Variants in CAMKMT observed in about 807,000 individuals in gnomAD.
CAMKMT encodes CaM KMT.
CAMKMT carries 53 observed loss-of-function variants against 48.0 expected under a neutral mutation model. The ratio of observed to expected loss-of-function variants is 1.10; its 90% CI spans 0.89 to 1.39. The LOEUF is 1.39. Among genes scored for constraint, CAMKMT ranks in the 40% most tolerant of loss-of-function variants. The pLI, the probability that CAMKMT is intolerant of heterozygous loss-of-function variation, is 0.00. For synonymous variants in CAMKMT, 165 were observed against 152.3 expected, an observed-to-expected ratio of 1.08 and a Z score of -0.61; for missense variants, 428 against 402.7, an observed-to-expected ratio of 1.06 and a Z score of -0.54.
chr2:44,458,521 C>G (rs1034037767), intron 3 of CAMKMT, among the ~76,000 whole-genome samples: 2 of 152,176 alleles, frequency 1.3e-5, no homozygotes, highest in African/African-American at 4.8e-5. Context: ...GCCATTCTGC[C>G]AGTACATTTA....
At chr2:44,498,151 CTTTA>C (rs1249569186) in intron 3 of CAMKMT, among the ~76,000 whole-genome samples, 1 of 151,948 alleles carries the variant, frequency 6.6e-6, no homozygotes, top group East Asian at 1.9e-4. Context: ...ATCATAGCAC[CTTTA>C]TTTATTTATT....
At chr2:44,560,277 T>G (rs1429901240) in intron 3 of CAMKMT, among the ~76,000 whole-genome samples, 1 of 152,172 alleles carries the variant, frequency 6.6e-6, no homozygotes, top group Non-Finnish European at 1.5e-5. Flanking sequence ...ACATACTTGT[T>G]TTTTAAAATT....
chr2:44,756,691 G>A (rs978090305), intron 9 of CAMKMT, among the ~76,000 whole-genome samples: 46 of 150,174 alleles, frequency 3.1e-4, no homozygotes, highest in Non-Finnish European at 4.7e-4. Context: ...GCAGTGAGCC[G>A]AGATCACGTC....
intron 3 of CAMKMT, among the ~76,000 whole-genome samples, chr2:44,457,834 A>G (rs1572554318): frequency 6.6e-6 from 1 of 152,192 alleles, no homozygotes; most frequent in East Asian, 1.9e-4. Context: ...CAGAAATTCC[A>G]GATGTTACAA....
intron 3 of CAMKMT, among the ~76,000 whole-genome samples, chr2:44,497,658 T>C (rs1669812195): frequency 6.6e-6 from 1 of 151,806 alleles, no homozygotes; most frequent in Non-Finnish European, 1.5e-5. Flanking sequence ...TATTTGATTT[T>C]ATTTTGAGGA....
At chr2:44,547,581 G>A (rs1025297151) in intron 3 of CAMKMT, among the ~76,000 whole-genome samples, 1 of 151,994 alleles carries the variant, frequency 6.6e-6, no homozygotes, top group Admixed American at 6.5e-5. Context: ...AACTTAAAAG[G>A]CAGTGAAAAA....
At chr2:44,364,816 C>G (rs941019428) in intron 1 of CAMKMT, among the ~76,000 whole-genome samples, 1 of 152,162 alleles carries the variant, frequency 6.6e-6, no homozygotes, top group Non-Finnish European at 1.5e-5. Context: ...TGTCTCTAAT[C>G]TTTGGACTAG....
At chr2:44,721,410 A>G (rs1288426060) in intron 7 of CAMKMT, among the ~76,000 whole-genome samples, 1 of 152,204 alleles carries the variant, frequency 6.6e-6, no homozygotes, top group Non-Finnish European at 1.5e-5. Flanking sequence ...ATGACAAATC[A>G]TATCAAAAGG....
intron 7 of CAMKMT, among the ~76,000 whole-genome samples, chr2:44,736,864 A>G (rs1679384349): frequency 6.6e-6 from 1 of 152,262 alleles, no homozygotes; most frequent in African/African-American, 2.4e-5. Flanking sequence ...TTTAAAAGGT[A>G]TCTCCCATGT....
chr2:44,650,480 G>A (rs1437859160), intron 3 of CAMKMT, among the ~76,000 whole-genome samples: 1 of 152,168 alleles, frequency 6.6e-6, no homozygotes, highest in African/African-American at 2.4e-5. Flanking sequence ...ATTGCTTTGT[G>A]CTTAGTATAT....
chr2:44,756,721 G>A (rs555740595), intron 9 of CAMKMT, among the ~76,000 whole-genome samples: 9 of 146,364 alleles, frequency 6.1e-5, no homozygotes, highest in South Asian at 4.3e-4. Flanking sequence ...TGGCCTGGGC[G>A]ACAGAGCAAG....
intron 3 of CAMKMT, among the ~76,000 whole-genome samples, chr2:44,463,800 A>G (rs1316429948): frequency 6.6e-6 from 1 of 152,178 alleles, no homozygotes; most frequent in Non-Finnish European, 1.5e-5. Context: ...CTCCCCATAA[A>G]AGGATTGAGA....
chr2:44,368,710 C>T lies in CAMKMT; in HGVS notation c.139-4006C>T, dbSNP rs114517576. 3.9e-3 allele frequency among the ~76,000 whole-genome samples: 594 copies of T among 152,232 alleles called. 3 individuals carry two copies. The highest frequency in any genetic ancestry group is 0.014 in the African/African-American group (563 of 41,542). ...AATTTAGACTATTAAAAGGTATTTACTGTTTGGAGTTTAATTGGGCAAGAT... is the reference window on the plus strand; with the variant it reads ...AATTTAGACTATTAAAAGGTATTTATTGTTTGGAGTTTAATTGGGCAAGAT... On this transcript the variant is annotated intron_variant, in intron 1 of 10. Transcript: ENST00000378494.
intron 2 of CAMKMT, among the ~76,000 whole-genome samples, chr2:44,384,500 C>CT (rs141017634): frequency 0.049 from 4,672 of 95,816 alleles, 142 homozygotes; most frequent in South Asian, 0.11. Context: ...AGCTATTTAT[C>CT]TTTTTTTTTT....
At chr2:44,469,590 A>T (rs189990206) in intron 3 of CAMKMT, among the ~76,000 whole-genome samples, 1 of 151,720 alleles carries the variant, frequency 6.6e-6, no homozygotes, top group Non-Finnish European at 1.5e-5. Flanking sequence ...ACTTTATCTC[A>T]TGTTTATAAT....
chr2:44,385,563 G>A (rs1680710762), intron 2 of CAMKMT, among the ~76,000 whole-genome samples: 1 of 152,106 alleles, frequency 6.6e-6, no homozygotes, highest in South Asian at 2.1e-4. Flanking sequence ...GTTCTCAGAG[G>A]GACTGCTTTC....
intron 3 of CAMKMT, among the ~76,000 whole-genome samples, chr2:44,424,998 C>A (rs1164917424): frequency 1.3e-5 from 2 of 151,942 alleles, no homozygotes; most frequent in Non-Finnish European, 2.9e-5. Context: ...GAACATGAAA[C>A]AAAAAAGTAC....
chr2:44,724,497 C>A (rs967124169), intron 7 of CAMKMT, among the ~76,000 whole-genome samples: 3 of 152,126 alleles, frequency 2.0e-5, no homozygotes, highest in Non-Finnish European at 4.4e-5. Context: ...ACAGTTGAAT[C>A]ACCTTCTCAG....
At chr2:44,445,916 G>A (rs773506869) in intron 3 of CAMKMT, among the ~76,000 whole-genome samples, 3 of 151,870 alleles carry the variant, frequency 2.0e-5, no homozygotes, top group Non-Finnish European at 4.4e-5. Flanking sequence ...TCTTAGATAG[G>A]CTTCTGACTG....
Sources: allele counts gnomAD v4.1 joint callset (sites outside exome capture counted in the v4.1 genomes callset), GRCh38; gene constraint gnomAD v4.1.1; transcripts MANE v1.5; gene names NCBI Gene and HGNC (gene_info 2026-07-23, HGNC 2026-07-21).